The following DIAPH2 variants were observed in gnomAD, a reference collection of about 807,000 sequenced individuals.
DIAPH2 encodes diaphanous related formin 2.
Under a neutral mutation model 92.7 loss-of-function variants are expected in DIAPH2, and 35 were observed. The observed-to-expected ratio is 0.38, with a 90% CI of 0.29 to 0.50. DIAPH2 has a LOEUF of 0.50. DIAPH2 is among the 20% of genes least tolerant of loss of function. DIAPH2 has a pLI of 0.94. For missense variants in DIAPH2, 701 were observed against 819.5 expected (o/e 0.86, Z 1.77); for synonymous variants, 301 against 280.4 (o/e 1.07, Z -0.73).
At chrX:97,509,088 C>T (rs1371650208) in intron 26 of DIAPH2, among the ~76,000 whole-genome samples, 2 of 107,151 alleles carry the variant, frequency 1.9e-5, no homozygotes, top group African/African-American at 6.8e-5. Flanking sequence ...GCTCTGTCGC[C>T]GAGGCTGGAG....
At chrX:97,234,082 G>A (rs1162086746) in intron 22 of DIAPH2, among the ~76,000 whole-genome samples, 3 of 109,510 alleles carry the variant, frequency 2.7e-5, no homozygotes, top group African/African-American at 1.0e-4. Context: ...CCAGCACTTA[G>A]GGAGGCTGAG....
intron 26 of DIAPH2, chrX:97,442,817 AGAAG>A (rs2070272875): frequency 8.9e-6 from 1 of 112,331 alleles, no homozygotes; most frequent in African/African-American, 3.2e-5. Context: ...GGAAGCTGAA[AGAAG>A]GAAGGAAGAA....
intron 1 of DIAPH2, among the ~76,000 whole-genome samples, chrX:96,702,532 G>A (rs777815468): frequency 1.8e-5 from 2 of 112,231 alleles, no homozygotes; most frequent in African/African-American, 3.2e-5. Flanking sequence ...TGAAGTATTA[G>A]GGATGACTTC....
chrX:96,848,810 A>G (rs2064989355), intron 4 of DIAPH2, among the ~76,000 whole-genome samples: 1 of 112,336 alleles, frequency 8.9e-6, no homozygotes, highest in African/African-American at 3.2e-5. Context: ...GATAAAATGC[A>G]TTTATCTTTA....
intron 3 of DIAPH2, among the ~76,000 whole-genome samples, chrX:96,746,923 C>A (rs765129490): frequency 9.0e-6 from 1 of 111,395 alleles, no homozygotes; most frequent in African/African-American, 3.3e-5. Flanking sequence ...TTTTATATTG[C>A]CTCTAATTAG....
At chrX:97,464,240 A>T (rs978838824) in intron 26 of DIAPH2, among the ~76,000 whole-genome samples, 1 of 97,528 alleles carries the variant, frequency 1.0e-5, no homozygotes, top group East Asian at 3.5e-4. Flanking sequence ...CGAGGCGGGC[A>T]GATCACAAGG....
At chrX:97,333,121 C>T (rs1169266568) in intron 23 of DIAPH2, among the ~76,000 whole-genome samples, 1 of 111,664 alleles carries the variant, frequency 9.0e-6, no homozygotes, top group Non-Finnish European at 1.9e-5. Context: ...CATATTCGGA[C>T]TAAAGGAATG....
At chrX:97,174,637 A>T (rs1044641049) in intron 22 of DIAPH2, among the ~76,000 whole-genome samples, 3 of 112,153 alleles carry the variant, frequency 2.7e-5, no homozygotes, top group Non-Finnish European at 3.8e-5. Context: ...AAAATTGTAA[A>T]TAATGATTTA....
At chrX:97,245,389 TTGCAGCCTCAACTTTC>T (rs760954899) in intron 22 of DIAPH2, among the ~76,000 whole-genome samples, 1 of 110,498 alleles carries the variant, frequency 9.0e-6, no homozygotes, top group African/African-American at 3.3e-5. Context: ...TCATAACTCA[TTGCAGCCTCAACTTTC>T]TGTGCTCAAG....
chrX:97,477,595 A>G (rs999003492), intron 26 of DIAPH2, among the ~76,000 whole-genome samples: 3 of 106,597 alleles, frequency 2.8e-5, no homozygotes, highest in Non-Finnish European at 5.8e-5. Context: ...ACAGAGCAAG[A>G]CTCCGTCTAA....
chrX:96,797,764 A>G (rs2064552013), intron 4 of DIAPH2, among the ~76,000 whole-genome samples: 1 of 112,493 alleles, frequency 8.9e-6, no homozygotes, highest in African/African-American at 3.2e-5. Context: ...GTGGAGTTGC[A>G]TTGTTTTTGA....
At chrX:96,928,629 G>A (rs1278080580) in intron 9 of DIAPH2, among the ~76,000 whole-genome samples, 1 of 110,574 alleles carries the variant, frequency 9.0e-6, no homozygotes, top group Non-Finnish European at 1.9e-5. Flanking sequence ...GCTTATGTTG[G>A]AAAATGACAT....
At chrX:97,349,768 T>G (rs1458284940) in intron 24 of DIAPH2, among the ~76,000 whole-genome samples, 3 of 110,460 alleles carry the variant, frequency 2.7e-5, no homozygotes, top group African/African-American at 9.9e-5. Context: ...ACTAGTAGAA[T>G]GTGTTCTACT....
intron 2 of DIAPH2, among the ~76,000 whole-genome samples, chrX:96,736,648 C>T (rs2064090120): frequency 8.9e-6 from 1 of 112,021 alleles, no homozygotes; most frequent in Non-Finnish European, 1.9e-5. Flanking sequence ...GGTGATCCAC[C>T]CACCTCAGTT....
At chrX:97,421,753 G>C (rs1483127658) in intron 25 of DIAPH2, among the ~76,000 whole-genome samples, 1 of 111,395 alleles carries the variant, frequency 9.0e-6, no homozygotes, top group Non-Finnish European at 1.9e-5. Flanking sequence ...TGCCACCTTT[G>C]TCATGTCACT....
At chrX:97,143,169 C>G (rs191884071) in intron 22 of DIAPH2, among the ~76,000 whole-genome samples, 10 of 111,147 alleles carry the variant, frequency 9.0e-5, no homozygotes, top group African/African-American at 2.9e-4. Flanking sequence ...CTGGTAATAG[C>G]TCTTCTAAAG....
intron 4 of DIAPH2, among the ~76,000 whole-genome samples, chrX:96,844,769 C>CAG (rs1249417409): frequency 2.7e-5 from 3 of 111,312 alleles, no homozygotes; most frequent in Non-Finnish European, 5.7e-5. Context: ...GGATATTTAG[C>CAG]ATATTGCAGA....
intron 26 of DIAPH2, among the ~76,000 whole-genome samples, chrX:97,559,457 T>C (rs2071278945): frequency 1.0e-5 from 1 of 99,544 alleles, no homozygotes; most frequent in African/African-American, 3.9e-5. Flanking sequence ...GCCACTGCGC[T>C]CCAGCCTGGC....
intron 13 of DIAPH2, among the ~76,000 whole-genome samples, chrX:96,943,234 A>G (rs569117795): frequency 9.0e-6 from 1 of 111,523 alleles, no homozygotes; most frequent in African/African-American, 3.2e-5. Flanking sequence ...GTGAAATACC[A>G]TAGTCGTTGT....
Sources: allele counts gnomAD v4.1 joint callset (sites outside exome capture counted in the v4.1 genomes callset), GRCh38; gene constraint gnomAD v4.1.1; transcripts MANE v1.5; gene names NCBI Gene and HGNC (gene_info 2026-07-23, HGNC 2026-07-21).